PAPPA2: variants seen among roughly 807,000 people sequenced by gnomAD.
PAPPA2 encodes pappalysin 2.
PAPPA2 carries 86 observed loss-of-function variants against 176.4 expected under a neutral mutation model. The observed-to-expected ratio is 0.49, with a 90% CI of 0.41 to 0.58. The LOEUF (loss-of-function observed/expected upper bound fraction) is 0.58, where lower values mean the gene tolerates loss of function less well. Among genes scored for constraint, PAPPA2 ranks in the 20% least tolerant of loss-of-function variants. PAPPA2 has a pLI of 0.00. For synonymous variants in PAPPA2, 809 were observed against 852.2 expected, an observed-to-expected ratio of 0.95 and a Z score of 0.88; for missense variants, 2,073 against 2,256.9, an observed-to-expected ratio of 0.92 and a Z score of 1.65.
chr1:176,642,278 A>G (rs1360484083), intron 3 of PAPPA2, among the ~76,000 whole-genome samples: 2 of 151,962 alleles, frequency 1.3e-5, no homozygotes, highest in African/African-American at 4.8e-5. Context: ...ATTGCAAAGG[A>G]TACTTGATTG....
At position 176,595,234 on chromosome 1, in the gene PAPPA2, G is replaced by A. The variant is rs536063389; in HGVS notation, c.1630G>A (p.Glu544Lys). The change falls in exon 3 of 23, where the codon GAG becomes AAG. Residue 544 changes from glutamate to lysine, a missense_variant. Glu to Lys is a moderately conservative substitution (Grantham distance 56, BLOSUM62 1). Transcript: ENST00000367662. Reference protein sequence around the residue: ...DDEGLNPIVSEEQIRLQHEAL... With the variant: ...DDEGLNPIVSKEQIRLQHEAL... ...TGAGGGCCTAAACCCCATTGTGAGT[G>A]AGGAGCAGATTCGTCTGCAGCACGA... 2 of 1,614,242 alleles carry A rather than the reference G, an allele frequency of 1.2e-6. No homozygotes were observed. Among genetic ancestry groups the A allele is most frequent in the Admixed American group, 3.3e-5 (2 of 60,030 alleles).
rs1458847365 is a variant in PAPPA2, at chr1:176,594,512, C to T, written c.920-12C>T. 1.9e-6 allele frequency: 3 copies of T among 1,603,742 alleles called. No homozygotes were observed. The highest frequency in any genetic ancestry group is 2.6e-6 in the Non-Finnish European group (3 of 1,172,742). ...TATCTGTCTCTTCCCTCGATTCTTC[C>T]TTCTTTCCCAGGTGTGTTTGATAAC... On this transcript the variant is annotated splice_polypyrimidine_tract_variant and intron_variant, in intron 2 of 22. Transcript: ENST00000367662.
intron 2 of PAPPA2, among the ~76,000 whole-genome samples, chr1:176,594,308 T>C (rs567632032): frequency 6.6e-6 from 1 of 152,352 alleles, no homozygotes; most frequent in African/African-American, 2.4e-5. Context: ...TTAACTTGGG[T>C]GGAATCTCAA....
chr1:176,539,161 G>A (rs1650235423), intron 1 of PAPPA2, among the ~76,000 whole-genome samples: 1 of 152,196 alleles, frequency 6.6e-6, no homozygotes, highest in African/African-American at 2.4e-5. Flanking sequence ...GTGCAGTTAG[G>A]CAGACGAGAA....
chr1:176,819,327 T>C (rs1353294657), intron 21 of PAPPA2, among the ~76,000 whole-genome samples: 1 of 152,144 alleles, frequency 6.6e-6, no homozygotes, highest in Non-Finnish European at 1.5e-5. Flanking sequence ...GTTGTTGTTG[T>C]TGTTGTTAAA....
At chr1:176,517,643 C>T (rs1648988919) in intron 1 of PAPPA2, among the ~76,000 whole-genome samples, 1 of 152,046 alleles carries the variant, frequency 6.6e-6, no homozygotes, top group South Asian at 2.1e-4. Flanking sequence ...TGAGGCAGGG[C>T]AAGATAGAGG....
intron 12 of PAPPA2, among the ~76,000 whole-genome samples, chr1:176,729,118 C>G (rs1662013399): frequency 6.6e-6 from 1 of 151,710 alleles, no homozygotes; most frequent in Non-Finnish European, 1.5e-5. Flanking sequence ...TAGTTTTATA[C>G]TTTTGCCTGT....
At chr1:176,521,261 G>A (rs909251544) in intron 1 of PAPPA2, among the ~76,000 whole-genome samples, 1 of 152,126 alleles carries the variant, frequency 6.6e-6, no homozygotes, top group Non-Finnish European at 1.5e-5. Flanking sequence ...TGTAGCAGAG[G>A]TGATGCTATG....
intron 21 of PAPPA2, among the ~76,000 whole-genome samples, chr1:176,832,250 T>C (rs572438467): frequency 2.0e-4 from 31 of 152,346 alleles, no homozygotes; most frequent in African/African-American, 7.2e-4. Flanking sequence ...ATTTTTCTCA[T>C]TCACTAACAA....
intron 21 of PAPPA2, among the ~76,000 whole-genome samples, chr1:176,820,976 A>T (rs1424735340): frequency 6.6e-6 from 1 of 152,188 alleles, no homozygotes; most frequent in Non-Finnish European, 1.5e-5. Context: ...AAAAGAATTA[A>T]TCCAGCTTTT....
chr1:176,688,000 A>C (rs1398991348), intron 4 of PAPPA2, among the ~76,000 whole-genome samples: 1 of 152,214 alleles, frequency 6.6e-6, no homozygotes, highest in Non-Finnish European at 1.5e-5. Flanking sequence ...CACAGATGCC[A>C]CTTGTTTTTT....
At chr1:176,576,044 A>G (rs1027590929) in intron 2 of PAPPA2, among the ~76,000 whole-genome samples, 1 of 152,180 alleles carries the variant, frequency 6.6e-6, no homozygotes, top group Non-Finnish European at 1.5e-5. Flanking sequence ...TAATGCTGTC[A>G]TGAACATCCA....
chr1:176,584,366 G>A lies in PAPPA2; in HGVS notation c.920-10158G>A, dbSNP rs966422720. On this transcript the variant is annotated intron_variant, in intron 2 of 22. Transcript: ENST00000367662. ...TACATAATTGGTATATCCTCTTGCC[G>A]AATTGATCCTGCTGTTATTATATAA... 6.6e-5 allele frequency among the ~76,000 whole-genome samples: 10 copies of A among 151,670 alleles called. No homozygotes were observed. In the East Asian group the frequency reaches 7.8e-4, roughly 12 times the overall value.
intron 11 of PAPPA2, among the ~76,000 whole-genome samples, chr1:176,710,614 A>G (rs1402266119): frequency 3.9e-5 from 6 of 152,188 alleles, no homozygotes; most frequent in Non-Finnish European, 8.8e-5. Flanking sequence ...TGCTATACCA[A>G]TGACATCTAT....
intron 3 of PAPPA2, among the ~76,000 whole-genome samples, chr1:176,614,139 G>A (rs935865699): frequency 1.3e-5 from 2 of 152,198 alleles, no homozygotes; most frequent in African/African-American, 2.4e-5. Flanking sequence ...ACCCAGAAGC[G>A]GGGCTGGGAG....
chr1:176,792,638 C>T (rs544093627), intron 19 of PAPPA2, among the ~76,000 whole-genome samples: 34 of 152,128 alleles, frequency 2.2e-4, no homozygotes, highest in Non-Finnish European at 4.4e-4. Flanking sequence ...GTGCAGCGCA[C>T]CAGCATGGCA....
intron 20 of PAPPA2, among the ~76,000 whole-genome samples, chr1:176,798,189 T>C (rs1665528307): frequency 6.6e-6 from 1 of 152,228 alleles, no homozygotes; most frequent in African/African-American, 2.4e-5. Flanking sequence ...TATTATGAAT[T>C]TATTCTTCAG....
At chr1:176,808,036 A>G (rs973728420) in intron 21 of PAPPA2, among the ~76,000 whole-genome samples, 6 of 152,188 alleles carry the variant, frequency 3.9e-5, no homozygotes, top group Non-Finnish European at 8.8e-5. Flanking sequence ...GATCATTACT[A>G]CATGCTCTGT....
intron 6 of PAPPA2, among the ~76,000 whole-genome samples, chr1:176,694,478 TGTGAG>T (rs1366499287): frequency 6.6e-6 from 1 of 152,268 alleles, no homozygotes. Flanking sequence ...ATGCCAGTTA[TGTGAG>T]GTACTTCAGA....
Sources: allele counts gnomAD v4.1 joint callset (sites outside exome capture counted in the v4.1 genomes callset), GRCh38; gene constraint gnomAD v4.1.1; transcripts MANE v1.5; gene names NCBI Gene and HGNC (gene_info 2026-07-23, HGNC 2026-07-21).